The following H2BC6 variants were observed in gnomAD, a reference collection of about 807,000 sequenced individuals.
The protein encoded by H2BC6 is histone H2B type 1-C/E/F/G/I.
In H2BC6, 8 loss-of-function variants were observed where a neutral mutation model predicts 6.1. That is an observed-to-expected ratio of 1.31 (90% CI 0.77 to 2.36). The LOEUF (loss-of-function observed/expected upper bound fraction) is 2.36. Ranked by LOEUF, H2BC6 falls within the 30% of genes most tolerant of loss-of-function variation. The probability of loss-of-function intolerance (pLI) is 0.00; values close to 1 mark genes in which losing one functional copy is unlikely to be tolerated. For missense variants in H2BC6, 212 were observed against 169.9 expected (o/e 1.25, Z -1.38); for synonymous variants, 136 against 73.9 (o/e 1.84, Z -4.31).
In H2BC6 at chr6:26,184,161, C is replaced by T. The variant is rs768558560; in HGVS notation, c.366C>T (p.Tyr122=). The change falls in exon 1 of 1, where the codon TAC becomes TAT. Residue 122 remains tyrosine (Y), a synonymous_variant. Transcript: ENST00000614097. ...VSEGTKAVTK[Y]TSSK is the part of the protein sequence containing the mutation. ...AGGGCACCAAGGCCGTTACCAAGTA[C>T]ACCAGCTCCAAGTAAACTTGTCCCT... is the stretch of plus-strand genomic sequence containing the variant. The T allele has an allele frequency of 5.6e-6, 9 of 1,614,210 alleles. No homozygotes were observed. The highest frequency in any genetic ancestry group is 1.7e-5 in the Admixed American group (1 of 60,018).
At position 26,183,871 on chromosome 6, in the gene H2BC6, G is replaced by A; in HGVS notation, c.76G>A (p.Asp26Asn). 6.2e-7 allele frequency: 1 copy of A among 1,614,258 alleles called. No homozygotes were observed. ...KKAVTKAQKK[D>N]GKKRKRSRKE... ...GGCCGTGACCAAGGCGCAGAAGAAG[G>A]ACGGCAAGAAGCGCAAGCGCAGCCG... Residue 26 changes from aspartate (D) to asparagine (N), a missense_variant, in exon 1 of 1, where the codon GAC becomes AAC. Coordinates refer to ENST00000614097, the MANE Select transcript of H2BC6 (RefSeq NM_003523.3).
Position 26,184,173 on chromosome 6 carries a change from G to A in H2BC6, c.378G>A (p.Lys126=), listed in dbSNP as rs771832548. The A allele has an allele frequency of 6.2e-7, 1 of 1,614,050 alleles. No individual in the cohort carries two copies. Among genetic ancestry groups the A allele is most frequent in the Non-Finnish European group, 8.5e-7 (1 of 1,179,976 alleles). Residue 126 remains lysine, a synonymous_variant, in exon 1 of 1, where the codon AAG becomes AAA. Coordinates refer to ENST00000614097, the MANE Select transcript of H2BC6 (RefSeq NM_003523.3). ...CCGTTACCAAGTACACCAGCTCCAA[G>A]TAAACTTGTCCCTGCAACTGCCTTA... ...TKAVTKYTSS[K]
Position 26,183,864 on chromosome 6 carries a change from G to A in H2BC6, c.69G>A (p.Gln23=). The A allele has an allele frequency of 6.2e-7, 1 of 1,613,896 alleles. No individual in the cohort carries two copies. Among genetic ancestry groups the A allele is most frequent in the African/African-American group, 1.3e-5 (1 of 75,048 alleles). ...KGSKKAVTKA[Q]KKDGKKRKRS... ...CCAAGAAGGCCGTGACCAAGGCGCA[G>A]AAGAAGGACGGCAAGAAGCGCAAGC... is the stretch of plus-strand genomic sequence containing the variant. The change falls in exon 1 of 1, where the codon CAG becomes CAA. Residue 23 remains glutamine, a synonymous_variant. Transcript: ENST00000614097.
In H2BC6 at chr6:26,183,955, G is replaced by A. The variant is rs966777976; in HGVS notation, c.160G>A (p.Gly54Ser). The A allele has an allele frequency of 6.2e-7, 1 of 1,614,224 alleles. No individual in the cohort carries two copies. The highest frequency in any genetic ancestry group is 8.5e-7 in the Non-Finnish European group (1 of 1,180,032). ...GCTGAAACAGGTCCACCCCGACACC[G>A]GCATCTCCTCTAAAGCCATGGGGAT... The part of the protein sequence containing the change: ...KVLKQVHPDT[G>S]ISSKAMGIMN... Residue 54 changes from glycine (G) to serine (S), a missense_variant, in exon 1 of 1, where the codon GGC becomes AGC. Physicochemically the swap from Gly to Ser is moderately conservative, Grantham distance 56 (BLOSUM62 0). Coordinates refer to ENST00000614097, the MANE Select transcript of H2BC6 (RefSeq NM_003523.3).
At position 26,183,821 on chromosome 6, in the gene H2BC6, C is replaced by A; in HGVS notation, c.26C>A (p.Pro9His). The change falls in exon 1 of 1, where the codon CCC (proline) becomes CAC (histidine). Residue 9 changes from proline to histidine, a missense_variant. Coordinates refer to ENST00000614097, the MANE Select transcript of H2BC6 (RefSeq NM_003523.3). MPEPAKSA[P>H]APKKGSKKAV... The stretch of plus-strand genomic sequence containing the variant: ...ATGCCTGAGCCAGCGAAATCCGCTC[C>A]CGCCCCGAAGAAGGGCTCCAAGAAG... 9 of 1,614,208 alleles carry A rather than the reference C, an allele frequency of 5.6e-6. No individual in the cohort carries two copies. The highest frequency in any genetic ancestry group is 7.6e-6 in the Non-Finnish European group (9 of 1,180,042).
chr6:26,184,014 C>T lies in H2BC6; in HGVS notation c.219C>T (p.Arg73=), dbSNP rs921531965. 1.2e-6 allele frequency: 2 copies of T among 1,614,158 alleles called. No homozygotes were observed. Among genetic ancestry groups the T allele is most frequent in the Admixed American group, 1.7e-5 (1 of 60,014 alleles). ...CCTTTGTCAACGACATCTTCGAGCG[C>T]ATCGCCGGCGAGGCTTCCCGCCTGG... is the stretch of plus-strand genomic sequence containing the variant. ...MNSFVNDIFE[R]IAGEASRLAH... is the part of the protein sequence containing the mutation. The change falls in exon 1 of 1, where the codon CGC becomes CGT. Residue 73 remains arginine (R), a synonymous_variant. Coordinates refer to ENST00000614097, the MANE Select transcript of H2BC6 (RefSeq NM_003523.3).
Position 26,183,862 on chromosome 6 carries a change from CAGA to C in H2BC6, c.73_75del (p.Lys25del), listed in dbSNP as rs549755584. The C allele has an allele frequency of 1.1e-4, 184 of 1,614,226 alleles. 4 individuals are homozygous for C. The East Asian group carries it at 1.6e-3, about 14-fold the overall frequency. On this transcript the variant is annotated inframe_deletion, in exon 1 of 1. Transcript: ENST00000614097. The stretch of plus-strand genomic sequence containing the variant: ...CTCCAAGAAGGCCGTGACCAAGGCG[CAGA>C]AGAAGGACGGCAAGAAGCGCAAGCG...
rs201769089 is a variant in H2BC6, at chr6:26,184,056, C to T, written c.261C>T (p.Arg87=). Residue 87 remains arginine (R), a synonymous_variant, in exon 1 of 1, where the codon CGC becomes CGT. Transcript: ENST00000614097. ...EASRLAHYNK[R]STITSREIQT... ...CCCGCCTGGCGCATTACAACAAGCG[C>T]TCGACCATCACCTCCAGGGAGATCC... The T allele has an allele frequency of 7.7e-5, 125 of 1,614,246 alleles. No individual in the cohort carries two copies. The Admixed American group carries it at 2.0e-3, about 26-fold the overall frequency.
At position 26,183,943 on chromosome 6, in the gene H2BC6, C is replaced by T. The variant is rs1238068133; in HGVS notation, c.148C>T (p.His50Tyr). The T allele has an allele frequency of 1.9e-6, 3 of 1,614,152 alleles. No individual in the cohort carries two copies. Among genetic ancestry groups the T allele is most frequent in the Admixed American group, 1.7e-5 (1 of 60,008 alleles). ...CGTGTACAAGGTGCTGAAACAGGTCCACCCCGACACCGGCATCTCCTCTAA... is the reference window on the plus strand; with the variant it reads ...CGTGTACAAGGTGCTGAAACAGGTCTACCCCGACACCGGCATCTCCTCTAA... ...VYVYKVLKQV[H>Y]PDTGISSKAM... is the part of the protein sequence containing the mutation. Residue 50 changes from histidine (H) to tyrosine (Y), a missense_variant, in exon 1 of 1, where the codon CAC becomes TAC. His to Tyr is a moderately conservative substitution (Grantham distance 83, BLOSUM62 2). Coordinates refer to ENST00000614097, the MANE Select transcript of H2BC6 (RefSeq NM_003523.3).
In H2BC6 at chr6:26,183,822, C is replaced by A; in HGVS notation, c.27C>A (p.Pro9=). 6.2e-7 allele frequency: 1 copy of A among 1,614,206 alleles called. No homozygotes were observed. Among genetic ancestry groups the A allele is most frequent in the Non-Finnish European group, 8.5e-7 (1 of 1,180,038 alleles). ...TGCCTGAGCCAGCGAAATCCGCTCC[C>A]GCCCCGAAGAAGGGCTCCAAGAAGG... The part of the protein sequence containing the change: MPEPAKSA[P]APKKGSKKAV... The change falls in exon 1 of 1, where the codon CCC becomes CCA. Residue 9 remains proline (P), a synonymous_variant. Transcript: ENST00000614097.
Position 26,184,061 on chromosome 6 carries a change from C to A in H2BC6, c.266C>A (p.Thr89Asn). 1.2e-6 allele frequency: 2 copies of A among 1,614,260 alleles called. No homozygotes were observed. The highest frequency in any genetic ancestry group is 1.7e-6 in the Non-Finnish European group (2 of 1,180,052). ...CTGGCGCATTACAACAAGCGCTCGA[C>A]CATCACCTCCAGGGAGATCCAGACG... ...SRLAHYNKRS[T>N]ITSREIQTAV... is the part of the protein sequence containing the mutation. The change falls in exon 1 of 1, where the codon ACC (threonine) becomes AAC (asparagine). Residue 89 changes from threonine to asparagine, a missense_variant. Transcript: ENST00000614097.
rs894128696 is a variant in H2BC6 at position 26,184,174 on chromosome 6, T to C, written c.379T>C (p.Ter127GlnextTer?). The C allele has an allele frequency of 6.2e-7, 1 of 1,613,896 alleles. No individual in the cohort carries two copies. The highest frequency in any genetic ancestry group is 1.3e-5 in the African/African-American group (1 of 74,934). ...CGTTACCAAGTACACCAGCTCCAAG[T>C]AAACTTGTCCCTGCAACTGCCTTAG... ...KAVTKYTSSK[*>Q] Residue 127 changes from the stop codon to glutamine, a stop_lost, in exon 1 of 1, where the codon TAA becomes CAA. Coordinates refer to ENST00000614097, the MANE Select transcript of H2BC6 (RefSeq NM_003523.3).
In H2BC6 at chr6:26,183,951, C is replaced by T. The variant is rs1454983614; in HGVS notation, c.156C>T (p.Asp52=). 6.2e-7 allele frequency: 1 copy of T among 1,614,254 alleles called. No homozygotes were observed. Among genetic ancestry groups the T allele is most frequent in the African/African-American group, 1.3e-5 (1 of 75,068 alleles). Residue 52 remains aspartate, a synonymous_variant, in exon 1 of 1, where the codon GAC becomes GAT. Coordinates refer to ENST00000614097, the MANE Select transcript of H2BC6 (RefSeq NM_003523.3). The part of the protein sequence containing the change: ...VYKVLKQVHP[D]TGISSKAMGI... Reference sequence around the variant, plus strand: ...AGGTGCTGAAACAGGTCCACCCCGACACCGGCATCTCCTCTAAAGCCATGG... The same window carrying T: ...AGGTGCTGAAACAGGTCCACCCCGATACCGGCATCTCCTCTAAAGCCATGG...
rs776953714 is a variant in H2BC6 at position 26,183,816 on chromosome 6, C to A, written c.21C>A (p.Ser7=). The change falls in exon 1 of 1, where the codon TCC becomes TCA. Residue 7 remains serine (S), a synonymous_variant. Coordinates refer to ENST00000614097, the MANE Select transcript of H2BC6 (RefSeq NM_003523.3). MPEPAK[S]APAPKKGSKK... is the part of the protein sequence containing the mutation. ...ATAGCATGCCTGAGCCAGCGAAATC[C>A]GCTCCCGCCCCGAAGAAGGGCTCCA... is the stretch of plus-strand genomic sequence containing the variant. The A allele has an allele frequency of 2.1e-4, 339 of 1,613,570 alleles. 1 individual carries two copies. The highest frequency in any genetic ancestry group is 1.3e-3 in the Middle Eastern group (8 of 6,084).
In H2BC6 at chr6:26,183,918, C is replaced by T. The variant is rs1764740167; in HGVS notation, c.123C>T (p.Tyr41=). The T allele has an allele frequency of 3.7e-6, 6 of 1,614,140 alleles. No homozygotes were observed. Among genetic ancestry groups the T allele is most frequent in the Non-Finnish European group, 5.1e-6 (6 of 1,180,052 alleles). ...KRSRKESYSV[Y]VYKVLKQVHP... is the part of the protein sequence containing the mutation. ...GCCGCAAGGAGAGCTACTCCGTATACGTGTACAAGGTGCTGAAACAGGTCC... is the reference window on the plus strand; with the variant it reads ...GCCGCAAGGAGAGCTACTCCGTATATGTGTACAAGGTGCTGAAACAGGTCC... Residue 41 remains tyrosine (Y), a synonymous_variant, in exon 1 of 1, where the codon TAC becomes TAT. Coordinates refer to ENST00000614097, the MANE Select transcript of H2BC6 (RefSeq NM_003523.3).
rs191131837 is a variant in H2BC6, at chr6:26,184,058, C to A, written c.263C>A (p.Ser88Ter). The A allele has an allele frequency of 2.1e-4, 346 of 1,614,248 alleles. 4 individuals are homozygous for A. The East Asian group carries it at 6.9e-3, about 32-fold the overall frequency. ...ASRLAHYNKRSTITSREIQTA... is the reference protein window; with the variant it reads ...ASRLAHYNKR Reference sequence around the variant, plus strand: ...CGCCTGGCGCATTACAACAAGCGCTCGACCATCACCTCCAGGGAGATCCAG... The same window carrying A: ...CGCCTGGCGCATTACAACAAGCGCTAGACCATCACCTCCAGGGAGATCCAG... The change falls in exon 1 of 1, where the codon TCG (serine) becomes TAG (stop). Residue 88 changes from serine to a stop codon, truncating the protein, a stop_gained. Transcript: ENST00000614097. LOFTEE classifies it high-confidence loss of function.
chr6:26,184,182 T>G lies in H2BC6; in HGVS notation c.*6T>G, dbSNP rs1421048933. On this transcript the variant is annotated 3_prime_UTR_variant, in exon 1 of 1. Transcript: ENST00000614097. ...AGTACACCAGCTCCAAGTAAACTTGTCCCTGCAACTGCCTTAGTAAACCCA... is the reference window on the plus strand; with the variant it reads ...AGTACACCAGCTCCAAGTAAACTTGGCCCTGCAACTGCCTTAGTAAACCCA... The G allele has an allele frequency of 1.9e-6, 3 of 1,613,766 alleles. No individual in the cohort carries two copies. The highest frequency in any genetic ancestry group is 3.3e-5 in the Admixed American group (2 of 59,950).
In H2BC6 at chr6:26,184,026, G is replaced by C; in HGVS notation, c.231G>C (p.Glu77Asp). 6.2e-7 allele frequency: 1 copy of C among 1,614,274 alleles called. No individual in the cohort carries two copies. The highest frequency in any genetic ancestry group is 8.5e-7 in the Non-Finnish European group (1 of 1,180,044). The change falls in exon 1 of 1, where the codon GAG (glutamate) becomes GAC (aspartate). Residue 77 changes from glutamate to aspartate, a missense_variant. Glu to Asp is a conservative substitution (Grantham distance 45). Coordinates refer to ENST00000614097, the MANE Select transcript of H2BC6 (RefSeq NM_003523.3). ...ACATCTTCGAGCGCATCGCCGGCGA[G>C]GCTTCCCGCCTGGCGCATTACAACA... ...VNDIFERIAG[E>D]ASRLAHYNKR... is the part of the protein sequence containing the mutation.
Position 26,183,794 on chromosome 6 carries a change from G to T in H2BC6, c.-2G>T, listed in dbSNP as rs749118651. 1.2e-6 allele frequency: 2 copies of T among 1,614,084 alleles called. No homozygotes were observed. Among genetic ancestry groups the T allele is most frequent in the South Asian group, 1.1e-5 (1 of 91,086 alleles). On this transcript the variant is annotated 5_prime_UTR_variant, in exon 1 of 1. Coordinates refer to ENST00000614097, the MANE Select transcript of H2BC6 (RefSeq NM_003523.3). ...TCCTAACTGCAGAACAGCAAAGATA[G>T]CATGCCTGAGCCAGCGAAATCCGCT...
Sources: allele counts gnomAD v4.1 joint callset, GRCh38; gene constraint gnomAD v4.1.1; transcripts MANE v1.5; gene names NCBI Gene and HGNC (gene_info 2026-07-23, HGNC 2026-07-21).